Variants in IRAK1BP1 observed in about 807,000 individuals in gnomAD.
IRAK1BP1 encodes interleukin-1 receptor-associated kinase 1-binding protein 1.
A neutral mutation model predicts 28.0 loss-of-function variants in IRAK1BP1; 24 were observed. That is an observed-to-expected ratio of 0.86 (90% CI 0.62 to 1.20). IRAK1BP1 has a LOEUF of 1.20. IRAK1BP1 is among the 50% of genes most tolerant of loss of function. IRAK1BP1 has a pLI of 0.00. For missense variants in IRAK1BP1, 336 were observed against 316.7 expected, an observed-to-expected ratio of 1.06 and a Z score of -0.46; for synonymous variants, 131 against 116.3, an observed-to-expected ratio of 1.13 and a Z score of -0.81.
chr6:78,960,763 G>T, the IRAK1BP1 span, among the ~76,000 whole-genome samples: 1 of 152,132 alleles, frequency 6.6e-6, no homozygotes, highest in East Asian at 1.9e-4. Flanking sequence ...GCTGCTACTG[G>T]CATCTAGTGG....
chr6:78,945,852 CT>C (rs898858795), exon 5 of IRAK1BP1: 8 of 659,970 alleles, frequency 1.2e-5, no homozygotes, highest in Non-Finnish European at 2.1e-5. Context: ...TTATTAAAAA[CT>C]TTTTTTTAAA....
intron 4 of IRAK1BP1, among the ~76,000 whole-genome samples, chr6:78,910,604 A>C (rs1285372233): frequency 6.6e-6 from 1 of 152,264 alleles, no homozygotes; most frequent in East Asian, 1.9e-4. Flanking sequence ...AGAAAAAGTG[A>C]TATCAAGCCC....
At chr6:78,946,933 T>C, downstream of IRAK1BP1, 1 of 938,254 alleles carries the variant, frequency 1.1e-6, no homozygotes, top group South Asian at 1.7e-5. Flanking sequence ...CTTTGTTCAG[T>C]AAATACTGTA....
exon 5 of IRAK1BP1, chr6:78,945,504 C>G (rs755417146): frequency 6.5e-7 from 1 of 1,541,068 alleles, no homozygotes. Flanking sequence ...AGTACTAAAA[C>G]ATACAAACAA....
downstream of IRAK1BP1, among the ~76,000 whole-genome samples, chr6:78,951,076 C>T (rs1252515907): frequency 6.6e-6 from 1 of 152,016 alleles, no homozygotes; most frequent in Non-Finnish European, 1.5e-5. Context: ...TTTTTAAATT[C>T]CCATGAGATT....
intron 1 of IRAK1BP1, among the ~76,000 whole-genome samples, chr6:78,879,059 T>A (rs1292551931): frequency 6.6e-6 from 1 of 152,096 alleles, no homozygotes; most frequent in African/African-American, 2.4e-5. Context: ...GGAACCAAGT[T>A]GGAAAACACT....
chr6:78,911,340 C>A (rs148988764), intron 4 of IRAK1BP1, among the ~76,000 whole-genome samples: 2 of 152,122 alleles, frequency 1.3e-5, no homozygotes, highest in South Asian at 4.1e-4. Context: ...GGTCAACCTC[C>A]TCTGCCCCTT....
chr6:78,871,664 GT>G, intron 1 of IRAK1BP1: 1 of 351,810 alleles, frequency 2.8e-6, no homozygotes, highest in Non-Finnish European at 4.0e-6. Flanking sequence ...GGATAGGGCT[GT>G]TTATAGATGA....
chr6:78,889,918 G>A (rs1771574096), intron 2 of IRAK1BP1, among the ~76,000 whole-genome samples: 1 of 152,048 alleles, frequency 6.6e-6, no homozygotes, highest in Non-Finnish European at 1.5e-5. Flanking sequence ...TCTCATTACT[G>A]GATATATACC....
chr6:78,970,846 C>A, the IRAK1BP1 span: 1 of 1,611,018 alleles, frequency 6.2e-7, no homozygotes, highest in Admixed American at 1.7e-5. Flanking sequence ...TTTTTCCGGG[C>A]CATTTCGACA....
the IRAK1BP1 span, among the ~76,000 whole-genome samples, chr6:78,963,778 G>T: frequency 5.3e-5 from 8 of 152,182 alleles, no homozygotes; most frequent in Admixed American, 2.6e-4. Context: ...TTAGCTGAGA[G>T]AATCACTAGA....
downstream of IRAK1BP1, among the ~76,000 whole-genome samples, chr6:78,951,088 G>T (rs980928790): frequency 2.6e-5 from 4 of 152,038 alleles, no homozygotes; most frequent in African/African-American, 9.7e-5. Flanking sequence ...CATGAGATTT[G>T]TTTGATCCAT....
chr6:78,921,440 G>T (rs1463797529), intron 4 of IRAK1BP1, among the ~76,000 whole-genome samples: 1 of 152,224 alleles, frequency 6.6e-6, no homozygotes, highest in African/African-American at 2.4e-5. Flanking sequence ...CTCGAACTGG[G>T]TGGAGCCCAC....
rs142208588 is a variant in IRAK1BP1, at chr6:78,909,843, C to A, written c.*67+6733C>A. ...ACAGACCAGATGTTTGATGTTATTT[C>A]TTTTCTTTTTTTGCTCACTCTCAGC... On this transcript the variant is annotated intron_variant and NMD_transcript_variant, in intron 4 of 4. Coordinates refer to the IRAK1BP1 transcript ENST00000606868. Among the ~76,000 whole-genome samples the A allele has an allele frequency of 4.4e-3, 660 of 150,818 alleles. 4 individuals carry two copies. The highest frequency in any genetic ancestry group is 0.015 in the African/African-American group (619 of 40,658).
intron 4 of IRAK1BP1, among the ~76,000 whole-genome samples, chr6:78,921,157 G>C (rs1772713522): frequency 6.6e-6 from 1 of 152,200 alleles, no homozygotes; most frequent in African/African-American, 2.4e-5. Flanking sequence ...CAAGGGGTCA[G>C]GGAATTCCCT....
At chr6:78,918,230 G>C (rs1245295596) in intron 4 of IRAK1BP1, among the ~76,000 whole-genome samples, 1 of 152,084 alleles carries the variant, frequency 6.6e-6, no homozygotes, top group East Asian at 1.9e-4. Context: ...CTAGAAGTTT[G>C]AGGCTGCAGT....
intron 4 of IRAK1BP1, among the ~76,000 whole-genome samples, chr6:78,932,402 ATTTCT>A (rs1773072954): frequency 7.0e-6 from 1 of 143,364 alleles, no homozygotes; most frequent in Non-Finnish European, 1.5e-5. Context: ...TACAACATGT[ATTTCT>A]TTTCTTTCTT....
chr6:78,887,776 A>G (rs1247065908), intron 2 of IRAK1BP1, among the ~76,000 whole-genome samples: 1 of 118,612 alleles, frequency 8.4e-6, no homozygotes, highest in African/African-American at 2.7e-5. Context: ...TGATGTAACC[A>G]TTATGGAAAA....
Position 78,941,462 on chromosome 6 carries a change from A to C in IRAK1BP1, c.*68-3946A>C, listed in dbSNP as rs1317840619. ...CCAAATTATTTTATTAAAATGAGAA[A>C]AAAGAACCTAGAAAACACTAATAGT... On this transcript the variant is annotated intron_variant and NMD_transcript_variant, in intron 4 of 4. Coordinates refer to the IRAK1BP1 transcript ENST00000606868. 3 of 573,482 alleles carry C rather than the reference A, an allele frequency of 5.2e-6. No individual in the cohort carries two copies. The East Asian group carries it at 8.5e-5, about 16-fold the overall frequency. The allele number at this position is 573,482 out of a possible 1,614,324, so 35.5% of individuals were successfully genotyped here. A position where few individuals can be genotyped will look rare whatever the true frequency, so the allele number is the denominator to read the frequency against.
Sources: allele counts gnomAD v4.1 joint callset (sites outside exome capture counted in the v4.1 genomes callset), GRCh38; gene constraint gnomAD v4.1.1; transcripts MANE v1.5; gene names NCBI Gene and HGNC (gene_info 2026-07-23, HGNC 2026-07-21).